Variants in MKLN1 observed in about 807,000 individuals in gnomAD.
The protein encoded by MKLN1 is muskelin 1.
A neutral mutation model predicts 99.0 loss-of-function variants in MKLN1; 18 were observed. The ratio of observed to expected loss-of-function variants is 0.18; its 90% CI spans 0.13 to 0.27. The LOEUF (loss-of-function observed/expected upper bound fraction) is 0.27, where lower values mean the gene tolerates loss of function less well. Among genes scored for constraint, MKLN1 ranks in the 10% least tolerant of loss-of-function variants. The probability of loss-of-function intolerance (pLI) is 1.00; values close to 1 mark genes in which losing one functional copy is unlikely to be tolerated. For missense variants in MKLN1, 621 were observed against 875.9 expected, an observed-to-expected ratio of 0.71 and a Z score of 3.67; for synonymous variants, 288 against 293.2, an observed-to-expected ratio of 0.98 and a Z score of 0.18.
intron 8 of MKLN1, among the ~76,000 whole-genome samples, chr7:131,427,354 C>T (rs1297955916): frequency 6.6e-6 from 1 of 152,116 alleles, no homozygotes; most frequent in East Asian, 1.9e-4. Flanking sequence ...AATTGTAACC[C>T]TGCATGGTGG....
At chr7:131,246,152 C>G (rs947264351) in intron 3 of MKLN1, among the ~76,000 whole-genome samples, 3 of 152,212 alleles carry the variant, frequency 2.0e-5, no homozygotes, top group African/African-American at 7.2e-5. Context: ...CTGCTGCAGG[C>G]ACTCTGCACA....
chr7:131,196,992 T>G (rs765087964), intron 2 of MKLN1, among the ~76,000 whole-genome samples: 2 of 152,136 alleles, frequency 1.3e-5, no homozygotes, highest in African/African-American at 4.8e-5. Context: ...GTGCAGCTCC[T>G]TTGACTGCTG....
intron 3 of MKLN1, among the ~76,000 whole-genome samples, chr7:131,216,757 A>G (rs7798625): frequency 0.74 from 112,245 of 152,078 alleles, 42,005 homozygotes; most frequent in East Asian, 0.97. Flanking sequence ...GGGAATGGAG[A>G]TAAATACTAT....
intron 2 of MKLN1, among the ~76,000 whole-genome samples, chr7:131,183,893 T>G (rs1252443461): frequency 6.6e-6 from 1 of 152,068 alleles, no homozygotes; most frequent in Non-Finnish European, 1.5e-5. Flanking sequence ...AACAGGAAGC[T>G]TGTGGGAACC....
chr7:131,293,905 G>T (rs555912680), intron 3 of MKLN1, among the ~76,000 whole-genome samples: 4 of 152,224 alleles, frequency 2.6e-5, no homozygotes, highest in African/African-American at 9.6e-5. Context: ...TTCAATTTAG[G>T]TATTAAATGA....
chr7:131,423,125 A>G (rs1185302085), intron 8 of MKLN1, among the ~76,000 whole-genome samples: 1 of 152,190 alleles, frequency 6.6e-6, no homozygotes, highest in Non-Finnish European at 1.5e-5. Context: ...TGTAACTCTC[A>G]TTACGTTCTG....
Position 131,470,954 on chromosome 7 carries a change from G to T in MKLN1, c.2031+10G>T, listed in dbSNP as rs1584776667. The T allele has an allele frequency of 6.5e-7, 1 of 1,546,564 alleles. No homozygotes were observed. Among genetic ancestry groups the T allele is most frequent in the Non-Finnish European group, 8.9e-7 (1 of 1,129,842 alleles). On this transcript the variant is annotated intron_variant, in intron 16 of 17. Transcript: ENST00000352689. ...AGAAGAGACAAAAGAGGTAAAGAAAGGTGGTAATAAATTTCAGAAATTAAG... is the reference window on the plus strand; with the variant it reads ...AGAAGAGACAAAAGAGGTAAAGAAATGTGGTAATAAATTTCAGAAATTAAG...
chr7:131,156,328 C>A (rs751922521), intron 2 of MKLN1, among the ~76,000 whole-genome samples: 4 of 151,418 alleles, frequency 2.6e-5, no homozygotes, highest in Non-Finnish European at 5.9e-5. Flanking sequence ...GAGATCGAGA[C>A]CATCCTGGCA....
chr7:131,163,625 G>C (rs898376347), intron 2 of MKLN1, among the ~76,000 whole-genome samples: 1 of 152,124 alleles, frequency 6.6e-6, no homozygotes. Flanking sequence ...AGTTTCAGTG[G>C]AGAGGAGAGA....
At chr7:131,177,905 T>C (rs1036855203) in intron 2 of MKLN1, among the ~76,000 whole-genome samples, 18 of 152,304 alleles carry the variant, frequency 1.2e-4, no homozygotes, top group African/African-American at 4.3e-4. Context: ...AGTAGCTCTA[T>C]GGTAATCTGG....
intron 1 of MKLN1, among the ~76,000 whole-genome samples, chr7:131,343,576 C>T (rs1228503299): frequency 6.6e-6 from 1 of 152,034 alleles, no homozygotes; most frequent in African/African-American, 2.4e-5. Context: ...CAATGAATTC[C>T]CTTCTGTTTA....
intron 8 of MKLN1, among the ~76,000 whole-genome samples, chr7:131,425,014 A>C (rs1048641930): frequency 1.3e-5 from 2 of 152,146 alleles, no homozygotes; most frequent in African/African-American, 2.4e-5. Flanking sequence ...TTTAAATCAA[A>C]CAGTGTATTT....
At chr7:131,438,516 G>A (rs529167560) in intron 10 of MKLN1, among the ~76,000 whole-genome samples, 1 of 149,444 alleles carries the variant, frequency 6.7e-6, no homozygotes, top group South Asian at 2.2e-4. Context: ...ATACAATAAT[G>A]TTGTAGACTA....
chr7:131,379,384 C>G (rs1793768762), intron 2 of MKLN1, among the ~76,000 whole-genome samples: 1 of 152,030 alleles, frequency 6.6e-6, no homozygotes, highest in South Asian at 2.1e-4. Flanking sequence ...CTGAAAGATA[C>G]TGGAGTTAAG....
At chr7:131,200,795 C>G (rs1796715714) in intron 2 of MKLN1, among the ~76,000 whole-genome samples, 1 of 152,188 alleles carries the variant, frequency 6.6e-6, no homozygotes, top group South Asian at 2.1e-4. Context: ...CTGACGTGTT[C>G]TAATTTAAAG....
Position 131,310,020 on chromosome 7 carries a change from C to A in MKLN1, c.-178-65404C>A, listed in dbSNP as rs4506137. The A allele has an allele frequency of 2.2e-3, 334 of 152,126 alleles. 3 individuals are homozygous for A. Among genetic ancestry groups the A allele is most frequent in the African/African-American group, 7.9e-3 (326 of 41,518 alleles). 9.4% of individuals were successfully genotyped at this position (152,126 alleles called of 1,614,324 possible). A position where few individuals can be genotyped will look rare whatever the true frequency, so the allele number is the denominator to read the frequency against. ...GATTACAGGCGTGAGCCACCACGCC[C>A]GGCCCACAAGTGGGTTTTTAAAAGG... On this transcript the variant is annotated intron_variant, in intron 3 of 7. Transcript: ENST00000416992.
chr7:131,289,336 C>G (rs1365541658), intron 3 of MKLN1, among the ~76,000 whole-genome samples: 2 of 152,194 alleles, frequency 1.3e-5, no homozygotes, highest in Non-Finnish European at 2.9e-5. Context: ...TTATTAAAAC[C>G]TACAAGTAGC....
At chr7:131,371,765 C>CATATACATATAT (rs1793470742) in intron 1 of MKLN1, among the ~76,000 whole-genome samples, 1 of 147,658 alleles carries the variant, frequency 6.8e-6, no homozygotes, top group African/African-American at 2.5e-5. Context: ...ACATATATAA[C>CATATACATATAT]ATATATATAT....
At chr7:131,144,355 G>A (rs903777859) in intron 2 of MKLN1, among the ~76,000 whole-genome samples, 7 of 151,662 alleles carry the variant, frequency 4.6e-5, no homozygotes, top group African/African-American at 7.3e-5. Context: ...GGTGGTGGGC[G>A]CCTGTAGTCC....
Sources: allele counts gnomAD v4.1 joint callset (sites outside exome capture counted in the v4.1 genomes callset), GRCh38; gene constraint gnomAD v4.1.1; transcripts MANE v1.5; gene names NCBI Gene and HGNC (gene_info 2026-07-23, HGNC 2026-07-21).